Variants in OSBPL10 observed in about 807,000 individuals in gnomAD.
OSBPL10 encodes the protein oxysterol binding protein like 10, also known as oxysterol-binding protein-related protein 10.
OSBPL10 carries 49 observed loss-of-function variants against 81.7 expected under a neutral mutation model. That is an observed-to-expected ratio of 0.60 (90% CI 0.48 to 0.76). OSBPL10 has a LOEUF of 0.76. Among genes scored for constraint, OSBPL10 ranks in the 30% least tolerant of loss-of-function variants. The pLI is 0.00. For synonymous variants in OSBPL10, 419 were observed against 383.6 expected, an observed-to-expected ratio of 1.09 and a Z score of -1.08; for missense variants, 923 against 987.8, an observed-to-expected ratio of 0.93 and a Z score of 0.88.
At chr3:31,800,441 C>A (rs1699350415) in intron 4 of OSBPL10, among the ~76,000 whole-genome samples, 1 of 152,222 alleles carries the variant, frequency 6.6e-6, no homozygotes, top group South Asian at 2.1e-4. Context: ...CTGGCCCTGG[C>A]ATGATGGGCC....
chr3:31,935,514 ATTTT>A (rs11359502), intron 1 of OSBPL10, among the ~76,000 whole-genome samples: 3 of 144,450 alleles, frequency 2.1e-5, no homozygotes, highest in Non-Finnish European at 4.6e-5. Flanking sequence ...TATGAAATAG[ATTTT>A]TTTTTTTTTT....
At chr3:31,999,421 C>T (rs1420298755) in intron 2 of OSBPL10, among the ~76,000 whole-genome samples, 1 of 143,310 alleles carries the variant, frequency 7.0e-6, no homozygotes, top group African/African-American at 2.7e-5. Flanking sequence ...AGTACAATGG[C>T]ACAATCTCGG....
chr3:31,943,343 A>G (rs1188815797), intron 1 of OSBPL10, among the ~76,000 whole-genome samples: 2 of 152,204 alleles, frequency 1.3e-5, no homozygotes, highest in East Asian at 3.8e-4. Flanking sequence ...TATTTGAGTC[A>G]CTGCTTTCAA....
At chr3:31,963,623 T>G (rs573626108) in intron 1 of OSBPL10, among the ~76,000 whole-genome samples, 6 of 152,224 alleles carry the variant, frequency 3.9e-5, no homozygotes, top group African/African-American at 1.4e-4. Flanking sequence ...CATAGGACAT[T>G]TCGTAGAGGA....
chr3:31,903,078 G>A (rs1696298037), intron 1 of OSBPL10, among the ~76,000 whole-genome samples: 1 of 152,128 alleles, frequency 6.6e-6, no homozygotes, highest in Admixed American at 6.5e-5. Flanking sequence ...ATAAACAAGA[G>A]GCCACAGCAA....
At chr3:31,835,104 T>G (rs945500582) in intron 3 of OSBPL10, among the ~76,000 whole-genome samples, 3 of 152,220 alleles carry the variant, frequency 2.0e-5, no homozygotes, top group African/African-American at 7.2e-5. Flanking sequence ...ATGGCCATTT[T>G]GGTCCTTGGT....
intron 1 of OSBPL10, among the ~76,000 whole-genome samples, chr3:31,926,536 G>A (rs1279230808): frequency 6.6e-6 from 1 of 152,116 alleles, no homozygotes; most frequent in Non-Finnish European, 1.5e-5. Flanking sequence ...TCTGGAATAT[G>A]GAGACAGGAA....
Position 31,761,813 on chromosome 3 carries a change from T to TAAAAAAAAAAAAAAAAAAAAAAAAAA in OSBPL10, c.730-13694_730-13693insTTTTTTTTTTTTTTTTTTTTTTTTTT, listed in dbSNP as rs34579457. Among the ~76,000 whole-genome samples the TAAAAAAAAAAAAAAAAAAAAAAAAAA allele has an allele frequency of 4.1e-4, 44 of 107,514 alleles. 1 individual carries two copies. The highest frequency in any genetic ancestry group is 7.6e-4 in the African/African-American group (12 of 15,696). The allele number at this position is 107,514 out of a possible 152,430, so 70.5% of individuals were successfully genotyped here. ...CTGGGCAACAGAGCAAGACTGTCTC[T>TAAAAAAAAAAAAAAAAAAAAAAAAAA]AAAAAAAAAAAAAAAAAACCCTAAA... On this transcript the variant is annotated intron_variant, in intron 4 of 11. Transcript: ENST00000396556.
At chr3:31,952,530 A>G (rs1237363568) in intron 1 of OSBPL10, among the ~76,000 whole-genome samples, 1 of 152,186 alleles carries the variant, frequency 6.6e-6, no homozygotes, top group Non-Finnish European at 1.5e-5. Flanking sequence ...CCCATCTACA[A>G]TAGTCCCCAC....
At chr3:31,682,521 C>T (rs1027947533) in intron 8 of OSBPL10, among the ~76,000 whole-genome samples, 1 of 152,206 alleles carries the variant, frequency 6.6e-6, no homozygotes, top group Non-Finnish European at 1.5e-5. Context: ...TTCCCAGTGA[C>T]CTATAAGGCT....
At chr3:31,743,030 A>ATTTT (rs1697401098) in intron 5 of OSBPL10, among the ~76,000 whole-genome samples, 1 of 111,902 alleles carries the variant, frequency 8.9e-6, no homozygotes, top group African/African-American at 3.4e-5. Context: ...AAGCTAAATT[A>ATTTT]GTTTTTTTTT....
At chr3:32,056,666 A>G (rs1699714999) in intron 1 of OSBPL10, among the ~76,000 whole-genome samples, 1 of 152,186 alleles carries the variant, frequency 6.6e-6, no homozygotes, top group Non-Finnish European at 1.5e-5. Context: ...CATTGCCCCT[A>G]TTCAGCCCGA....
chr3:31,990,270 T>G, intron 2 of OSBPL10: 2 of 1,613,992 alleles, frequency 1.2e-6, no homozygotes, highest in Non-Finnish European at 1.7e-6. Context: ...TAGGGAAACT[T>G]TATAAATGTA....
intron 1 of OSBPL10, among the ~76,000 whole-genome samples, chr3:31,919,670 ACAT>A (rs1696856769): frequency 6.6e-6 from 1 of 152,186 alleles, no homozygotes; most frequent in African/African-American, 2.4e-5. Flanking sequence ...GAGTTAATAA[ACAT>A]CATTACCAAA....
At chr3:31,688,179 C>A (rs1317760773) in intron 7 of OSBPL10, among the ~76,000 whole-genome samples, 1 of 151,744 alleles carries the variant, frequency 6.6e-6, no homozygotes, top group African/African-American at 2.4e-5. Flanking sequence ...AGTCATCTTT[C>A]TAAAATCTAT....
intron 1 of OSBPL10, among the ~76,000 whole-genome samples, chr3:32,070,539 G>C (rs1699821397): frequency 6.6e-6 from 1 of 151,958 alleles, no homozygotes; most frequent in Non-Finnish European, 1.5e-5. Context: ...CTGATCACAT[G>C]CCCATTACTA....
At chr3:31,898,374 T>C (rs1247503786) in intron 1 of OSBPL10, among the ~76,000 whole-genome samples, 1 of 152,158 alleles carries the variant, frequency 6.6e-6, no homozygotes, top group African/African-American at 2.4e-5. Context: ...AACATCACAT[T>C]ACACCCTATA....
intron 6 of OSBPL10, among the ~76,000 whole-genome samples, chr3:31,725,183 A>T (rs536285286): frequency 7.2e-5 from 11 of 152,386 alleles, no homozygotes; most frequent in Admixed American, 4.6e-4. Context: ...CTATATAATA[A>T]GAGCTCAATA....
intron 4 of OSBPL10, among the ~76,000 whole-genome samples, chr3:31,823,495 C>G (rs1700029245): frequency 1.3e-5 from 2 of 152,092 alleles, no homozygotes; most frequent in Admixed American, 6.5e-5. Flanking sequence ...AGCCAAGCCA[C>G]AAATGGGAGA....
Sources: allele counts gnomAD v4.1 joint callset (sites outside exome capture counted in the v4.1 genomes callset), GRCh38; gene constraint gnomAD v4.1.1; transcripts MANE v1.5; gene names NCBI Gene and HGNC (gene_info 2026-07-23, HGNC 2026-07-21).